The following DCLK2 variants were observed in gnomAD, a reference collection of about 807,000 sequenced individuals.
The protein encoded by DCLK2 is serine/threonine-protein kinase DCLK2.
DCLK2 carries 31 observed loss-of-function variants against 78.4 expected under a neutral mutation model. The observed-to-expected ratio is 0.40, with a 90% CI of 0.30 to 0.53. DCLK2 has a LOEUF of 0.53. Ranked by LOEUF, DCLK2 falls within the 20% of genes least tolerant of loss-of-function variation. DCLK2 has a pLI of 0.61. For synonymous variants in DCLK2, 407 were observed against 374.9 expected, an observed-to-expected ratio of 1.09 and a Z score of -0.99; for missense variants, 872 against 973.7, an observed-to-expected ratio of 0.90 and a Z score of 1.39.
intron 12 of DCLK2, among the ~76,000 whole-genome samples, chr4:150,244,579 C>T (rs1580788759): frequency 6.6e-6 from 1 of 152,188 alleles, no homozygotes; most frequent in Admixed American, 6.5e-5. Context: ...CTTACGGCAC[C>T]TTGGTCCAAA....
At position 150,145,963 on chromosome 4, in the gene DCLK2, T is replaced by G. The variant is rs115964232; in HGVS notation, c.756+43151T>G. Among the ~76,000 whole-genome samples the G allele has an allele frequency of 6.2e-3, 942 of 152,336 alleles. 11 individuals are homozygous for G. The highest frequency in any genetic ancestry group is 0.021 in the African/African-American group (893 of 41,570). ...CAAACACTGCTGATTCTGAAGAGCT[T>G]ATGCAGCTTCACAAGCAAATTGATT... On this transcript the variant is annotated intron_variant, in intron 2 of 15. Transcript: ENST00000296550.
At chr4:150,110,918 C>T (rs1237479786) in intron 2 of DCLK2, among the ~76,000 whole-genome samples, 1 of 152,138 alleles carries the variant, frequency 6.6e-6, no homozygotes, top group East Asian at 1.9e-4. Flanking sequence ...CATGTCTTTG[C>T]AATTGTGAAT....
At chr4:150,106,412 A>C (rs906623411) in intron 2 of DCLK2, among the ~76,000 whole-genome samples, 2 of 152,248 alleles carry the variant, frequency 1.3e-5, no homozygotes, top group South Asian at 4.1e-4. Context: ...ATGTAAAACT[A>C]TCAGCATTCT....
chr4:150,197,914 A>C, intron 3 of DCLK2, 88 bp from the exon 4 acceptor site: 1 of 956,578 alleles, frequency 1.0e-6, no homozygotes, highest in South Asian at 1.7e-5. Flanking sequence ...ATCAGGTAAT[A>C]GTTCTGGTCA....
rs553343802 is a variant in DCLK2 at position 150,167,673 on chromosome 4, T to A, written c.757-25465T>A. On this transcript the variant is annotated intron_variant, in intron 2 of 15. Coordinates refer to ENST00000296550, the MANE Select transcript of DCLK2 (RefSeq NM_001040260.4). The stretch of plus-strand genomic sequence containing the variant: ...CCAGGAGTGTCAGGCGACCATCAAG[T>A]GATGGTCAGGCAGTTTAAAATAATG... Among the ~76,000 whole-genome samples the A allele has an allele frequency of 3.9e-5, 6 of 152,028 alleles. No homozygotes were observed. In the South Asian group the frequency reaches 1.3e-3, roughly 32 times the overall value.
At chr4:150,240,327 C>A in intron 11 of DCLK2, 72 bp from the exon 12 acceptor site, 1 of 1,232,632 alleles carries the variant, frequency 8.1e-7, no homozygotes, top group South Asian at 1.3e-5. Context: ...CAAATAAAGG[C>A]AATACTCCAG....
chr4:150,225,337 T>C (rs1041436690), intron 8 of DCLK2, among the ~76,000 whole-genome samples: 1 of 152,238 alleles, frequency 6.6e-6, no homozygotes, highest in African/African-American at 2.4e-5. Context: ...GATAAACTTT[T>C]TTCCTTCTGT....
chr4:150,219,427 G>A (rs181596811), intron 5 of DCLK2, among the ~76,000 whole-genome samples: 21 of 152,016 alleles, frequency 1.4e-4, no homozygotes, highest in Admixed American at 3.9e-4. Flanking sequence ...ACGCCTGGGC[G>A]ATTTTGTATT....
rs375578370 is a variant in DCLK2, at chr4:150,079,024, C to T, written c.-4C>T. On this transcript the variant is annotated 5_prime_UTR_variant, in exon 1 of 16. Coordinates refer to ENST00000296550, the MANE Select transcript of DCLK2 (RefSeq NM_001040260.4). ...TTTTTGCGGACGCCCTCGGAGCAGC[C>T]GCGATGGCCAGCACCAGGAGTATCG... 29 of 1,526,040 alleles carry T rather than the reference C, an allele frequency of 1.9e-5. No individual in the cohort carries two copies. In the African/African-American group the frequency reaches 3.8e-4, roughly 20 times the overall value. 94.5% of individuals were successfully genotyped at this position (1,526,040 alleles called of 1,614,324 possible). A position where few individuals can be genotyped will look rare whatever the true frequency, so the allele number is the denominator to read the frequency against.
intron 2 of DCLK2, among the ~76,000 whole-genome samples, chr4:150,142,847 C>T (rs756084886): frequency 6.7e-5 from 10 of 150,278 alleles, no homozygotes; most frequent in Non-Finnish European, 1.3e-4. Flanking sequence ...GGAACATGCA[C>T]ATGTTTGTCA....
In DCLK2 at chr4:150,083,779, C is replaced by T. The variant is rs528631892; in HGVS notation, c.421+4331C>T. 4.6e-5 allele frequency among the ~76,000 whole-genome samples: 7 copies of T among 152,274 alleles called. No individual in the cohort carries two copies. The South Asian group carries it at 8.3e-4, about 18-fold the overall frequency. On this transcript the variant is annotated intron_variant, in intron 1 of 15. Coordinates refer to ENST00000296550, the MANE Select transcript of DCLK2 (RefSeq NM_001040260.4). The stretch of plus-strand genomic sequence containing the variant: ...AATATTGAATTTCAGGGCTGCAAAA[C>T]GTTCTTTACCTGTGAAACCCCTGGA...
intron 2 of DCLK2, among the ~76,000 whole-genome samples, chr4:150,155,764 A>G (rs1474966214): frequency 6.6e-6 from 1 of 152,178 alleles, no homozygotes; most frequent in Non-Finnish European, 1.5e-5. Context: ...CCTAGGAGCA[A>G]TGGGAAGAGG....
At chr4:150,223,040 A>G (rs1158377698) in intron 7 of DCLK2, among the ~76,000 whole-genome samples, 1 of 152,166 alleles carries the variant, frequency 6.6e-6, no homozygotes, top group Non-Finnish European at 1.5e-5. Flanking sequence ...AGATTTTTCC[A>G]GAAAGTTTTG....
Position 150,195,213 on chromosome 4 carries a change from TACAA to T in DCLK2, c.859+1974_859+1977del, listed in dbSNP as rs1560856505. ...TATATAAACAATATTATATATTATA[TACAA>T]TATTATATATTATATAAACAATATT... On this transcript the variant is annotated intron_variant, in intron 3 of 15. Coordinates refer to ENST00000296550, the MANE Select transcript of DCLK2 (RefSeq NM_001040260.4). 6.6e-3 allele frequency among the ~76,000 whole-genome samples: 24 copies of T among 3,636 alleles called. 2 individuals carry two copies. Among genetic ancestry groups the T allele is most frequent in the African/African-American group, 0.025 (21 of 846 alleles). 2.4% of individuals were successfully genotyped at this position (3,636 alleles called of 152,430 possible). A position where few individuals can be genotyped will look rare whatever the true frequency, so the allele number is the denominator to read the frequency against.
intron 5 of DCLK2, among the ~76,000 whole-genome samples, chr4:150,215,877 C>T (rs1740675725): frequency 6.6e-6 from 1 of 152,182 alleles, no homozygotes; most frequent in African/African-American, 2.4e-5. Context: ...AGATTAGAGT[C>T]CTGCTTTAGG....
chr4:150,156,156 A>G (rs78815034), intron 2 of DCLK2, among the ~76,000 whole-genome samples: 4,371 of 152,196 alleles, frequency 0.029, 171 homozygotes, highest in African/African-American at 0.095. Flanking sequence ...ACCTCTGCGA[A>G]GGATGATGGT....
chr4:150,240,986 G>A (rs1169659742), intron 12 of DCLK2, among the ~76,000 whole-genome samples: 2 of 152,066 alleles, frequency 1.3e-5, no homozygotes, highest in Non-Finnish European at 2.9e-5. Context: ...CTTTTCAAAT[G>A]ACAGCAAGAT....
rs548784896 is a variant in DCLK2, at chr4:150,103,783, T to G, written c.756+971T>G. Among the ~76,000 whole-genome samples, 10 of 152,264 alleles carry G rather than the reference T, an allele frequency of 6.6e-5. No homozygotes were observed. The South Asian group carries it at 1.7e-3, about 25-fold the overall frequency. ...AGTTAGTACAGTGCTTGCTGAAACA[T>G]TAGCAATTTTTTAAAAATACGTTCT... On this transcript the variant is annotated intron_variant, in intron 2 of 15. Transcript: ENST00000296550.
At chr4:150,254,199 G>C (rs1744401174) in intron 15 of DCLK2, among the ~76,000 whole-genome samples, 1 of 152,232 alleles carries the variant, frequency 6.6e-6, no homozygotes, top group Non-Finnish European at 1.5e-5. Flanking sequence ...GGCGCCTGCG[G>C]TGCAGACTTG....
Sources: allele counts gnomAD v4.1 joint callset (sites outside exome capture counted in the v4.1 genomes callset), GRCh38; gene constraint gnomAD v4.1.1; transcripts MANE v1.5; gene names NCBI Gene and HGNC (gene_info 2026-07-23, HGNC 2026-07-21).